Variants in WWOX observed in about 807,000 individuals in gnomAD.
The protein encoded by WWOX is WW domain-containing oxidoreductase.
In WWOX, 69 loss-of-function variants were observed where a neutral mutation model predicts 46.2. The observed-to-expected ratio is 1.49, with a 90% confidence interval of 1.23 to 1.82. The LOEUF is 1.82. WWOX is among the 40% of genes most tolerant of loss of function. WWOX has a pLI of 0.00. For missense variants in WWOX, 919 were observed against 542.6 expected, an observed-to-expected ratio of 1.69 and a Z score of -6.89; for synonymous variants, 359 against 202.6, an observed-to-expected ratio of 1.77 and a Z score of -6.56.
At chr16:78,726,476 C>G (rs904629329) in intron 8 of WWOX, among the ~76,000 whole-genome samples, 1 of 152,030 alleles carries the variant, frequency 6.6e-6, no homozygotes, top group Non-Finnish European at 1.5e-5. Flanking sequence ...TCAAGGGATT[C>G]TCCTCCCTCA....
At chr16:79,038,901 A>T (rs575150866) in intron 8 of WWOX, among the ~76,000 whole-genome samples, 96 of 152,348 alleles carry the variant, frequency 6.3e-4, no homozygotes, top group Non-Finnish European at 1.1e-3. Context: ...GATGTAAAGC[A>T]TACATAGAGG....
intron 6 of WWOX, among the ~76,000 whole-genome samples, chr16:78,394,639 G>C (rs74028164): frequency 6.6e-6 from 1 of 152,214 alleles, no homozygotes; most frequent in Admixed American, 6.5e-5. Flanking sequence ...AGGGGCCAGA[G>C]AGTGAATATT....
intron 8 of WWOX, among the ~76,000 whole-genome samples, chr16:78,445,025 C>G (rs891954899): frequency 1.3e-5 from 2 of 149,080 alleles, no homozygotes; most frequent in African/African-American, 2.4e-5. Flanking sequence ...CAAACCTGCA[C>G]TAAAACTTGT....
intron 8 of WWOX, among the ~76,000 whole-genome samples, chr16:78,472,038 G>C (rs1314011665): frequency 6.6e-6 from 1 of 152,108 alleles, no homozygotes; most frequent in East Asian, 1.9e-4. Context: ...ATTCTGGTTA[G>C]GTGTTATGAT....
chr16:78,152,572 GTA>G (rs2034455541), intron 4 of WWOX, among the ~76,000 whole-genome samples: 1 of 152,148 alleles, frequency 6.6e-6, no homozygotes. Flanking sequence ...GCCGCTCAAT[GTA>G]GTTACCCTTG....
intron 8 of WWOX, among the ~76,000 whole-genome samples, chr16:78,869,688 A>C (rs2044084416): frequency 6.6e-6 from 1 of 152,200 alleles, no homozygotes; most frequent in African/African-American, 2.4e-5. Flanking sequence ...CTTACAGTGC[A>C]TCGCCCACTC....
chr16:78,805,507 T>C (rs1157368796), intron 8 of WWOX, among the ~76,000 whole-genome samples: 1 of 151,978 alleles, frequency 6.6e-6, no homozygotes, highest in Non-Finnish European at 1.5e-5. Context: ...ATGGTCTCGA[T>C]TTCCTGACAT....
chr16:78,775,138 C>G (rs940212829), intron 8 of WWOX, among the ~76,000 whole-genome samples: 4 of 152,148 alleles, frequency 2.6e-5, no homozygotes, highest in Non-Finnish European at 5.9e-5. Context: ...TTAGAAGTGT[C>G]TGGTTCCTGA....
At chr16:78,204,257 A>AT (rs771762651) in intron 5 of WWOX, among the ~76,000 whole-genome samples, 6 of 151,960 alleles carry the variant, frequency 3.9e-5, no homozygotes, top group African/African-American at 1.5e-4. Context: ...CTCTTTTTAA[A>AT]ATTTTTTTTA....
At chr16:78,197,880 C>T (rs2036105244) in intron 5 of WWOX, among the ~76,000 whole-genome samples, 1 of 152,158 alleles carries the variant, frequency 6.6e-6, no homozygotes, top group African/African-American at 2.4e-5. Context: ...TATGTTTTAA[C>T]TGCTCATTGG....
chr16:78,375,028 C>A (rs773313921), intron 5 of WWOX, among the ~76,000 whole-genome samples: 1 of 152,166 alleles, frequency 6.6e-6, no homozygotes, highest in African/African-American at 2.4e-5. Context: ...AACCCATAAA[C>A]CACTGCGAGG....
chr16:78,935,321 A>G (rs545080870), intron 8 of WWOX, among the ~76,000 whole-genome samples: 83 of 152,306 alleles, frequency 5.4e-4, no homozygotes, highest in Non-Finnish European at 9.3e-4. Context: ...TTATTGCGGC[A>G]CTATTCACAA....
chr16:78,724,294 T>C (rs1302814391), intron 8 of WWOX, among the ~76,000 whole-genome samples: 1 of 152,190 alleles, frequency 6.6e-6, no homozygotes, highest in African/African-American at 2.4e-5. Context: ...ATACAGTAGT[T>C]GGATTCATTA....
At chr16:78,355,199 A>G (rs904932764) in intron 5 of WWOX, among the ~76,000 whole-genome samples, 8 of 152,052 alleles carry the variant, frequency 5.3e-5, no homozygotes, top group Admixed American at 5.2e-4. Context: ...TATAGTAACT[A>G]TTAGGAAACC....
intron 8 of WWOX, among the ~76,000 whole-genome samples, chr16:78,966,039 C>G (rs1289866661): frequency 3.3e-5 from 5 of 152,124 alleles, no homozygotes; most frequent in African/African-American, 1.2e-4. Flanking sequence ...ATCTGTGTGC[C>G]TCATCAATTT....
At chr16:79,031,872 C>A (rs1351286127) in intron 8 of WWOX, among the ~76,000 whole-genome samples, 5 of 128,930 alleles carry the variant, frequency 3.9e-5, no homozygotes, top group African/African-American at 1.1e-4. Flanking sequence ...AGATAGATAT[C>A]TATATACAGA....
intron 8 of WWOX, among the ~76,000 whole-genome samples, chr16:78,670,895 C>T (rs1329880026): frequency 6.6e-6 from 1 of 151,782 alleles, no homozygotes; most frequent in Non-Finnish European, 1.5e-5. Context: ...GCCCTACATC[C>T]AATAAGAATG....
intron 8 of WWOX, among the ~76,000 whole-genome samples, chr16:78,486,906 G>C (rs924689222): frequency 2.2e-4 from 33 of 152,262 alleles, no homozygotes; most frequent in African/African-American, 7.5e-4. Flanking sequence ...CCTTGGGTTC[G>C]GGTGAAGTTG....
At chr16:78,743,728 C>A (rs1207484335) in intron 8 of WWOX, among the ~76,000 whole-genome samples, 1 of 152,150 alleles carries the variant, frequency 6.6e-6, no homozygotes, top group Non-Finnish European at 1.5e-5. Flanking sequence ...AACTTCGCTT[C>A]ACCCTCTGAT....
Sources: gnomAD v4.1 joint callset for allele counts (sites outside exome capture counted in the v4.1 genomes callset) on GRCh38, gnomAD v4.1.1 for gene constraint, MANE v1.5 for transcripts, NCBI Gene and HGNC (gene_info 2026-07-23, HGNC 2026-07-21) for gene names.